The following SLC32A1 variants were observed in gnomAD, a reference collection of about 807,000 sequenced individuals.
The protein encoded by SLC32A1 is vesicular inhibitory amino acid transporter.
Under a neutral mutation model 35.5 loss-of-function variants are expected in SLC32A1, and 8 were observed. The ratio of observed to expected loss-of-function variants is 0.23; its 90% confidence interval spans 0.13 to 0.41. The LOEUF is 0.41. Among genes scored for constraint, SLC32A1 ranks in the 10% least tolerant of loss-of-function variants. SLC32A1 has a pLI of 1.00. For missense variants in SLC32A1, 493 were observed against 722.3 expected (o/e 0.68, Z 3.64); for synonymous variants, 317 against 326.3 (o/e 0.97, Z 0.31).
In SLC32A1 at chr20:38,725,185, C is replaced by G. The variant is rs1036596853; in HGVS notation, c.390+71C>G. 2.7e-6 allele frequency: 4 copies of G among 1,482,584 alleles called. No homozygotes were observed. The Admixed American group carries it at 9.8e-5, about 36-fold the overall frequency. The allele number at this position is 1,482,584 out of a possible 1,614,324, so 91.8% of individuals were successfully genotyped here. ...TCAGCGTGCCGGGCTCTGCCCCCGA[C>G]AGTCGCCCGGTGATCTCGGCCTGGA... On this transcript the variant is annotated intron_variant, in intron 1 of 1. Transcript: ENST00000217420.
In SLC32A1 at chr20:38,727,932, G is replaced by A. The variant is rs776433678; in HGVS notation, c.871G>A (p.Asp291Asn). Residue 291 changes from aspartate to asparagine, a missense_variant, in exon 2 of 2, where the codon GAC (aspartate) becomes AAC (asparagine). Physicochemically the swap from Asp to Asn is conservative, Grantham distance 23 (BLOSUM62 1). Coordinates refer to ENST00000217420, the MANE Select transcript of SLC32A1 (RefSeq NM_080552.3). Reference sequence around the variant, plus strand: ...AGCCTACTGTCTATCGCGGGCGCGCGACTGGGCCTGGGAGAAGGTCAAGTT... The same window carrying A: ...AGCCTACTGTCTATCGCGGGCGCGCAACTGGGCCTGGGAGAAGGTCAAGTT... ...VIAYCLSRAR[D>N]WAWEKVKFYI... The A allele has an allele frequency of 3.1e-6, 5 of 1,614,180 alleles. No individual in the cohort carries two copies. Among genetic ancestry groups the A allele is most frequent in the Non-Finnish European group, 4.2e-6 (5 of 1,180,042 alleles).
Position 38,728,918 on chromosome 20 carries a change from T to G in SLC32A1, c.*279T>G, listed in dbSNP as rs2084289175. The G allele has an allele frequency of 9.3e-5, 31 of 335,118 alleles. No homozygotes were observed. The highest frequency in any genetic ancestry group is 1.4e-4 in the Admixed American group (3 of 21,546). 20.8% of individuals were successfully genotyped at this position (335,118 alleles called of 1,614,324 possible). ...GGGCAGGGTTCTCTGTCCTTCCAAG[T>G]GGGGCCCCGACACTTTGGTTCCAGT... On this transcript the variant is annotated 3_prime_UTR_variant, in exon 2 of 2. Transcript: ENST00000217420.
Position 38,727,890 on chromosome 20 carries a change from A to C in SLC32A1, c.829A>C (p.Ile277Leu), listed in dbSNP as rs867501655. The C allele has an allele frequency of 6.2e-7, 1 of 1,614,208 alleles. No individual in the cohort carries two copies. The highest frequency in any genetic ancestry group is 1.3e-5 in the African/African-American group (1 of 75,062). Residue 277 changes from isoleucine to leucine, a missense_variant, in exon 2 of 2, where the codon ATC (isoleucine) becomes CTC (leucine). Physicochemically the swap from Ile to Leu is conservative, Grantham distance 5. Transcript: ENST00000217420. ...SLLCTLAHFV[I>L]NILVIAYCLS... Reference sequence around the variant, plus strand: ...GCTGTGCACTCTGGCCCACTTCGTCATCAATATCCTGGTCATAGCCTACTG... The same window carrying C: ...GCTGTGCACTCTGGCCCACTTCGTCCTCAATATCCTGGTCATAGCCTACTG...
At chr20:38,725,474 C>T (rs2084271905) in intron 1 of SLC32A1, among the ~76,000 whole-genome samples, 1 of 152,148 alleles carries the variant, frequency 6.6e-6, no homozygotes, top group Non-Finnish European at 1.5e-5. Context: ...GACTCTGGAA[C>T]GGATTCACAG....
Position 38,729,228 on chromosome 20 carries a change from T to G in SLC32A1, c.*589T>G, listed in dbSNP as rs1333017088. 6.5e-6 allele frequency: 1 copy of G among 154,104 alleles called. No individual in the cohort carries two copies. Among genetic ancestry groups the G allele is most frequent in the Non-Finnish European group, 1.4e-5 (1 of 69,020 alleles). The allele number at this position is 154,104 out of a possible 1,614,324, so 9.5% of individuals were successfully genotyped here. A position where few individuals can be genotyped will look rare whatever the true frequency, so the allele number is the denominator to read the frequency against. ...TTCAGGAATCTAAACTCTCATCTTG[T>G]GCAATTTATCAGGTGTGGAACTGTT... is the stretch of plus-strand genomic sequence containing the variant. On this transcript the variant is annotated 3_prime_UTR_variant, in exon 2 of 2. Coordinates refer to ENST00000217420, the MANE Select transcript of SLC32A1 (RefSeq NM_080552.3).
chr20:38,725,913 G>A (rs2084274234), intron 1 of SLC32A1, among the ~76,000 whole-genome samples: 1 of 152,152 alleles, frequency 6.6e-6, no homozygotes, highest in Non-Finnish European at 1.5e-5. Context: ...CATTACCTGT[G>A]CACAGACTCG....
chr20:38,725,212 AC>A (rs1378252672), intron 1 of SLC32A1, 98 bp downstream of exon 1: 43 of 1,386,522 alleles, frequency 3.1e-5, no homozygotes, highest in African/African-American at 6.0e-5. Context: ...CGGCCTGGAG[AC>A]CCCCTCCTGT....
chr20:38,727,333 C>A, intron 1 of SLC32A1, 119 bp from the exon 2 acceptor site: 1 of 957,544 alleles, frequency 1.0e-6, no homozygotes, highest in South Asian at 1.6e-5. Flanking sequence ...GGCTCAGACC[C>A]AATTCTCAGT....
rs367966724 is a variant in SLC32A1, at chr20:38,724,598, A to G, written c.-127A>G. ...CAGCTGCGAGGGTCATGAGCCAGAG[A>G]GCCCCGGGGCGCCGCGCGGAGAGCA... On this transcript the variant is annotated 5_prime_UTR_variant, in exon 1 of 2. Coordinates refer to ENST00000217420, the MANE Select transcript of SLC32A1 (RefSeq NM_080552.3). The G allele has an allele frequency of 8.4e-7, 1 of 1,189,734 alleles. No individual in the cohort carries two copies. Among genetic ancestry groups the G allele is most frequent in the Non-Finnish European group, 1.1e-6 (1 of 871,426 alleles). 73.7% of individuals were successfully genotyped at this position (1,189,734 alleles called of 1,614,324 possible). A position where few individuals can be genotyped will look rare whatever the true frequency, so the allele number is the denominator to read the frequency against.
In SLC32A1 at chr20:38,729,290, G is replaced by T. The variant is rs1467297750; in HGVS notation, c.*651G>T. On this transcript the variant is annotated 3_prime_UTR_variant, in exon 2 of 2. Coordinates refer to ENST00000217420, the MANE Select transcript of SLC32A1 (RefSeq NM_080552.3). Reference sequence around the variant, plus strand: ...GTGGTGTGCTCGTGGTGAATAAGATGAAATGTATATCAGAAAAAAATCTAT... The same window carrying T: ...GTGGTGTGCTCGTGGTGAATAAGATTAAATGTATATCAGAAAAAAATCTAT... 1 of 152,660 alleles carries T rather than the reference G, an allele frequency of 6.6e-6. No homozygotes were observed. The highest frequency in any genetic ancestry group is 6.5e-5 in the Admixed American group (1 of 15,282). 9.5% of individuals were successfully genotyped at this position (152,660 alleles called of 1,614,324 possible). A position where few individuals can be genotyped will look rare whatever the true frequency, so the allele number is the denominator to read the frequency against.
Position 38,728,908 on chromosome 20 carries a change from T to G in SLC32A1, c.*269T>G. On this transcript the variant is annotated 3_prime_UTR_variant, in exon 2 of 2. Coordinates refer to ENST00000217420, the MANE Select transcript of SLC32A1 (RefSeq NM_080552.3). ...GTGCATTTGCGGGCAGGGTTCTCTGTCCTTCCAAGTGGGGCCCCGACACTT... is the reference window on the plus strand; with the variant it reads ...GTGCATTTGCGGGCAGGGTTCTCTGGCCTTCCAAGTGGGGCCCCGACACTT... 1 of 423,512 alleles carries G rather than the reference T, an allele frequency of 2.4e-6. No individual in the cohort carries two copies. The highest frequency in any genetic ancestry group is 4.2e-6 in the Non-Finnish European group (1 of 238,192). The allele number at this position is 423,512 out of a possible 1,614,324, so 26.2% of individuals were successfully genotyped here. A position where few individuals can be genotyped will look rare whatever the true frequency, so the allele number is the denominator to read the frequency against.
In SLC32A1 at chr20:38,724,799, C is replaced by G; in HGVS notation, c.75C>G (p.Ser25Arg). The G allele has an allele frequency of 6.2e-7, 1 of 1,613,942 alleles. No homozygotes were observed. The highest frequency in any genetic ancestry group is 8.5e-7 in the Non-Finnish European group (1 of 1,180,016). Residue 25 changes from serine to arginine, a missense_variant, in exon 1 of 2, where the codon AGC becomes AGG. Ser to Arg is a moderately radical substitution (Grantham distance 110, BLOSUM62 -1). Transcript: ENST00000217420. ...SVSNKSQAKM[S>R]GMFARMGFQA... ...CCAACAAGTCCCAGGCCAAGATGAG[C>G]GGCATGTTCGCCAGGATGGGTTTTC... is the stretch of plus-strand genomic sequence containing the variant.
chr20:38,725,452 G>A (rs542171563), intron 1 of SLC32A1, among the ~76,000 whole-genome samples: 10 of 152,318 alleles, frequency 6.6e-5, no homozygotes, highest in African/African-American at 2.4e-4. Flanking sequence ...TGGAGGGCAC[G>A]GTTTGGTCTT....
chr20:38,728,799 G>A lies in SLC32A1; in HGVS notation c.*160G>A. The stretch of plus-strand genomic sequence containing the variant: ...TTATTCGGGGATGGGGGGGATGGGA[G>A]GGGACAGGGATTCACGATCCATCGC... On this transcript the variant is annotated 3_prime_UTR_variant, in exon 2 of 2. Transcript: ENST00000217420. The A allele has an allele frequency of 1.6e-6, 1 of 610,168 alleles. No homozygotes were observed. Among genetic ancestry groups the A allele is most frequent in the Non-Finnish European group, 2.9e-6 (1 of 350,850 alleles). The allele number at this position is 610,168 out of a possible 1,614,324, so 37.8% of individuals were successfully genotyped here.
rs777888313 is a variant in SLC32A1 at position 38,727,619 on chromosome 20, C to T, written c.558C>T (p.Tyr186=). The change falls in exon 2 of 2, where the codon TAC becomes TAT. Residue 186 remains tyrosine, a synonymous_variant. Coordinates refer to ENST00000217420, the MANE Select transcript of SLC32A1 (RefSeq NM_080552.3). ...DGEVVRVRDS[Y]VAIANACCAP... ...AGGTGGTGCGCGTGCGGGACTCGTA[C>T]GTGGCCATAGCCAACGCCTGCTGCG... The T allele has an allele frequency of 1.9e-6, 3 of 1,613,622 alleles. 1 individual carries two copies. In the South Asian group the frequency reaches 3.3e-5, roughly 18 times the overall value.
Position 38,728,382 on chromosome 20 carries a change from G to T in SLC32A1, c.1321G>T (p.Val441Phe), listed in dbSNP as rs777043497. 5 of 1,610,814 alleles carry T rather than the reference G, an allele frequency of 3.1e-6. No individual in the cohort carries two copies. The highest frequency in any genetic ancestry group is 4.2e-6 in the Non-Finnish European group (5 of 1,178,910). The change falls in exon 2 of 2, where the codon GTC becomes TTC. Residue 441 changes from valine to phenylalanine, a missense_variant. Val to Phe is a conservative substitution (Grantham distance 50). This residue lies in a region of SLC32A1 where 269 missense variants were observed against 445.6 expected (regional missense o/e 0.60). Transcript: ENST00000217420. The stretch of plus-strand genomic sequence containing the variant: ...GCTGACGCTGCGCTGCGCGCTCGTC[G>T]TCTTCACGCTGCTCATGGCCATTTA... The part of the protein sequence containing the change: ...WGLTLRCALV[V>F]FTLLMAIYVP...
chr20:38,724,847 G>T lies in SLC32A1; in HGVS notation c.123G>T (p.Ala41=), dbSNP rs151110255. 2.1e-4 allele frequency: 332 copies of T among 1,613,952 alleles called. 1 individual carries two copies. In the African/African-American group the frequency reaches 3.7e-3, roughly 18 times the overall value. The change falls in exon 1 of 2, where the codon GCG becomes GCT. Residue 41 remains alanine (A), a synonymous_variant. Transcript: ENST00000217420. ...MGFQAATDEE[A]VGFAHCDDLD... is the part of the protein sequence containing the mutation. The stretch of plus-strand genomic sequence containing the variant: ...TTCAGGCGGCCACGGATGAGGAGGC[G>T]GTGGGCTTCGCGCATTGCGACGACC...
In SLC32A1 at chr20:38,727,609, G is replaced by C; in HGVS notation, c.548G>C (p.Arg183Pro). The change falls in exon 2 of 2, where the codon CGG becomes CCG. Residue 183 changes from arginine to proline, a missense_variant. By Grantham distance (103) the Arg-to-Pro change is moderately radical (BLOSUM62 -2). Coordinates refer to ENST00000217420, the MANE Select transcript of SLC32A1 (RefSeq NM_080552.3). ...ENEDGEVVRV[R>P]DSYVAIANAC... ...GAAGACGGCGAGGTGGTGCGCGTGC[G>C]GGACTCGTACGTGGCCATAGCCAAC... is the stretch of plus-strand genomic sequence containing the variant. 6.2e-7 allele frequency: 1 copy of C among 1,613,152 alleles called. No individual in the cohort carries two copies. Among genetic ancestry groups the C allele is most frequent in the Non-Finnish European group, 8.5e-7 (1 of 1,180,040 alleles).
chr20:38,728,558 C>G lies in SLC32A1; in HGVS notation c.1497C>G (p.Ile499Met). 2 of 1,613,306 alleles carry G rather than the reference C, an allele frequency of 1.2e-6. No individual in the cohort carries two copies. Among genetic ancestry groups the G allele is most frequent in the Non-Finnish European group, 1.7e-6 (2 of 1,179,920 alleles). The change falls in exon 2 of 2, where the codon ATC becomes ATG. Residue 499 changes from isoleucine to methionine, a missense_variant. Around this residue, in one of 4 missense-constraint regions of SLC32A1, gnomAD observed 269 missense variants for 445.6 expected, o/e 0.60. Coordinates refer to ENST00000217420, the MANE Select transcript of SLC32A1 (RefSeq NM_080552.3). ...TCTTCGACGTCGCCATCTTCGTCAT[C>G]GGCGGCATCTGCAGCGTGTCCGGCT... ...QVFFDVAIFV[I>M]GGICSVSGFV...
Sources: gnomAD v4.1 joint callset for allele counts (sites outside exome capture counted in the v4.1 genomes callset) on GRCh38, gnomAD v4.1.1 for gene constraint, gnomAD v4.1.1 regional missense constraint, MANE v1.5 for transcripts, NCBI Gene and HGNC (gene_info 2026-07-23, HGNC 2026-07-21) for gene names.